TJP3: variants seen among roughly 807,000 people sequenced by gnomAD.
TJP3 encodes tight junction protein 3, also known as tight junction protein ZO-3.
Under a neutral mutation model 104.2 loss-of-function variants are expected in TJP3, and 85 were observed. That is an observed-to-expected ratio of 0.82 (90% CI 0.68 to 0.98). The LOEUF is 0.98. TJP3 is among the 50% of genes least tolerant of loss of function. The pLI is 0.00. For synonymous variants in TJP3, 550 were observed against 550.6 expected, an observed-to-expected ratio of 1.00 and a Z score of 0.02; for missense variants, 1,367 against 1,322.8, an observed-to-expected ratio of 1.03 and a Z score of -0.52.
chr19:3,720,669 G>A (rs2036532732), intron 1 of TJP3, among the ~76,000 whole-genome samples: 1 of 151,554 alleles, frequency 6.6e-6, no homozygotes, highest in South Asian at 2.1e-4. Flanking sequence ...GACCAGCCCC[G>A]CCCACCCAGG....
At chr19:3,718,455 G>GTT (rs1227926088) in intron 1 of TJP3, among the ~76,000 whole-genome samples, 10 of 104,842 alleles carry the variant, frequency 9.5e-5, no homozygotes, top group Admixed American at 2.1e-4. Flanking sequence ...TTTTCTTGCG[G>GTT]TTTTTTTTTT....
intron 1 of TJP3, among the ~76,000 whole-genome samples, chr19:3,722,540 G>C (rs953757450): frequency 2.0e-5 from 3 of 151,450 alleles, no homozygotes; most frequent in African/African-American, 7.3e-5. Flanking sequence ...CAGAGGCAGG[G>C]GTGGGGTGAG....
chr19:3,747,380 A>T (rs967977109), intron 18 of TJP3, among the ~76,000 whole-genome samples: 1 of 151,620 alleles, frequency 6.6e-6, no homozygotes, highest in African/African-American at 2.4e-5. Flanking sequence ...TGTTTTGAGA[A>T]TGGAGTCAGT....
chr19:3,721,787 C>A (rs2036544453), intron 1 of TJP3: 2 of 557,622 alleles, frequency 3.6e-6, no homozygotes, highest in East Asian at 7.0e-5. Context: ...CGGCCCTCAG[C>A]CCGCTGTGAC....
At chr19:3,724,772 C>G (rs2036580548) in intron 1 of TJP3, among the ~76,000 whole-genome samples, 1 of 152,044 alleles carries the variant, frequency 6.6e-6, no homozygotes, top group Non-Finnish European at 1.5e-5. Flanking sequence ...CTCCTGGGCT[C>G]AAGCAATCCT....
chr19:3,728,502 C>G (rs190905162), intron 2 of TJP3, 22 bp downstream of exon 2: 1 of 1,603,038 alleles, frequency 6.2e-7, no homozygotes, highest in African/African-American at 1.3e-5. Flanking sequence ...CTCTCCCTGT[C>G]TGGGTGCCAG....
At chr19:3,745,774 A>G (rs1240941702) in intron 15 of TJP3, among the ~76,000 whole-genome samples, 2 of 152,182 alleles carry the variant, frequency 1.3e-5, no homozygotes, top group Non-Finnish European at 2.9e-5. Context: ...CCCACCTGCC[A>G]CATAGGCCAG....
In TJP3 at chr19:3,750,627, T is replaced by C. The variant is rs1489319960; in HGVS notation, c.2703T>C (p.His901=). The change falls in exon 21 of 21, where the codon CAT becomes CAC. Residue 901 remains histidine, a synonymous_variant. Coordinates refer to ENST00000541714, the MANE Select transcript of TJP3 (RefSeq NM_001267560.2). ...TGAAGAAAAAGTTTATGCGAGTACA[T>C]GATGCGGAGTCCTCCGATGAAGACG... ...EALKKKFMRV[H]DAESSDEDGY... is the part of the protein sequence containing the mutation. 2 of 1,608,914 alleles carry C rather than the reference T, an allele frequency of 1.2e-6. No homozygotes were observed. Among genetic ancestry groups the C allele is most frequent in the South Asian group, 1.1e-5 (1 of 89,968 alleles).
At chr19:3,720,396 ACT>A (rs1247827745) in intron 1 of TJP3, among the ~76,000 whole-genome samples, 2 of 151,832 alleles carry the variant, frequency 1.3e-5, no homozygotes, top group Non-Finnish European at 2.9e-5. Flanking sequence ...TACTAAGCAA[ACT>A]CTTAACCAAC....
At chr19:3,739,165 C>T (rs745683158) in intron 13 of TJP3, 31 bp downstream of exon 13, 5 of 1,489,110 alleles carry the variant, frequency 3.4e-6, no homozygotes, top group Admixed American at 2.1e-5. Context: ...CAGTGGGGCA[C>T]TTCTGCTTCA....
chr19:3,726,730 G>C (rs1156299309), intron 1 of TJP3, among the ~76,000 whole-genome samples: 2 of 152,014 alleles, frequency 1.3e-5, no homozygotes, highest in Admixed American at 6.6e-5. Flanking sequence ...GGGCATGATG[G>C]TATGCACCTA....
At chr19:3,734,665 C>T (rs2036716087) in intron 8 of TJP3, among the ~76,000 whole-genome samples, 1 of 152,164 alleles carries the variant, frequency 6.6e-6, no homozygotes, top group Non-Finnish European at 1.5e-5. Flanking sequence ...GTATCAAACT[C>T]TGCCTTAGGC....
chr19:3,712,687 G>T (rs1220172256), intron 1 of TJP3, among the ~76,000 whole-genome samples: 1 of 152,086 alleles, frequency 6.6e-6, no homozygotes, highest in Non-Finnish European at 1.5e-5. Context: ...GGTGGCTCCC[G>T]CCTGGAATCC....
chr19:3,744,451 G>T (rs1267136870), intron 15 of TJP3, among the ~76,000 whole-genome samples: 1 of 152,036 alleles, frequency 6.6e-6, no homozygotes, highest in Non-Finnish European at 1.5e-5. Flanking sequence ...GGATCACGAG[G>T]TCAAGAGATT....
chr19:3,721,460 C>T (rs2036541004), intron 1 of TJP3, among the ~76,000 whole-genome samples: 1 of 152,202 alleles, frequency 6.6e-6, no homozygotes, highest in Non-Finnish European at 1.5e-5. Context: ...TCAAAATGTG[C>T]CCATTTCGCG....
chr19:3,709,856 G>A (rs1158473971), intron 1 of TJP3, among the ~76,000 whole-genome samples: 1 of 152,058 alleles, frequency 6.6e-6, no homozygotes, highest in Non-Finnish European at 1.5e-5. Context: ...TCTGTAAAAT[G>A]GGGATATTGA....
intron 1 of TJP3, 101 bp from the exon 2 acceptor site, chr19:3,728,323 G>T (rs1195665524): frequency 1.9e-6 from 3 of 1,581,268 alleles, no homozygotes; most frequent in Non-Finnish European, 2.6e-6. Flanking sequence ...TCCAAACACA[G>T]GCCTGTCAGA....
chr19:3,742,562 G>C (rs547229194), intron 14 of TJP3, among the ~76,000 whole-genome samples: 2 of 147,100 alleles, frequency 1.4e-5, no homozygotes, highest in South Asian at 2.2e-4. Flanking sequence ...CAAATTGCCC[G>C]GGACAGGGGT....
rs201144610 is a variant in TJP3, at chr19:3,746,768, C to T, written c.2222-8C>T. On this transcript the variant is annotated splice_region_variant and splice_polypyrimidine_tract_variant and intron_variant, in intron 17 of 20. Coordinates refer to ENST00000541714, the MANE Select transcript of TJP3 (RefSeq NM_001267560.2). The surrounding 1 kb of genome is among the most constrained non-coding windows in gnomAD (Gnocchi z 4.1). The stretch of plus-strand genomic sequence containing the variant: ...TCTCCTGCACACACTGACGTCCCCT[C>T]CCTGCAGCCACCATCCCTCTGAATG... 28 of 1,605,570 alleles carry T rather than the reference C, an allele frequency of 1.7e-5. No individual in the cohort carries two copies. Among genetic ancestry groups the T allele is most frequent in the Non-Finnish European group, 2.2e-5 (26 of 1,176,040 alleles).
Sources: allele counts gnomAD v4.1 joint callset (sites outside exome capture counted in the v4.1 genomes callset), GRCh38; gene constraint gnomAD v4.1.1; non-coding constraint Gnocchi (gnomAD v3.1); transcripts MANE v1.5; gene names NCBI Gene and HGNC (gene_info 2026-07-23, HGNC 2026-07-21).